ARHGEF11: variants seen among roughly 807,000 people sequenced by gnomAD.
The protein encoded by ARHGEF11 is Rho guanine exchange factor (GEF) 11.
In ARHGEF11, 55 loss-of-function variants were observed where a neutral mutation model predicts 193.7. The ratio of observed to expected loss-of-function variants is 0.28; its 90% CI spans 0.23 to 0.36. The LOEUF (loss-of-function observed/expected upper bound fraction) is 0.36. Among genes scored for constraint, ARHGEF11 ranks in the 10% least tolerant of loss-of-function variants. ARHGEF11 has a pLI of 1.00. For synonymous variants in ARHGEF11, 693 were observed against 768.0 expected (o/e 0.90, Z 1.62); for missense variants, 1,723 against 2,005.6 (o/e 0.86, Z 2.69).
At chr1:156,960,956 A>G (rs1312242395) in intron 14 of ARHGEF11, among the ~76,000 whole-genome samples, 1 of 152,186 alleles carries the variant, frequency 6.6e-6, no homozygotes, top group African/African-American at 2.4e-5. Flanking sequence ...ACCAACAGAG[A>G]ACAACTGGCA....
chr1:156,938,604 G>A, intron 37 of ARHGEF11, 91 bp from the exon 38 acceptor site: 1 of 1,240,738 alleles, frequency 8.1e-7, no homozygotes, highest in Non-Finnish European at 1.2e-6. Flanking sequence ...AGGGCAGGAG[G>A]TGGGGACAGG....
chr1:156,943,977 C>T lies in ARHGEF11; in HGVS notation c.3193G>A (p.Val1065Met), dbSNP rs1657609108. 5 of 1,614,120 alleles carry T rather than the reference C, an allele frequency of 3.1e-6. No homozygotes were observed. Among genetic ancestry groups the T allele is most frequent in the African/African-American group, 1.3e-5 (1 of 75,048 alleles). Reference protein sequence around the residue: ...SSDSKQTFSPVLKLNAVLIRS... With the variant: ...SSDSKQTFSPMLKLNAVLIRS... ...ATGAGCACAGCATTGAGCTTGAGCACGGGGCTGAAGGTCTGCTTGCTGTCT... is the reference window on the plus strand; with the variant it reads ...ATGAGCACAGCATTGAGCTTGAGCATGGGGCTGAAGGTCTGCTTGCTGTCT... The change falls in exon 32 of 41, where the codon GTG (valine) becomes ATG (methionine). Residue 1065 changes from valine (V) to methionine (M), a missense_variant. This residue lies in a region of ARHGEF11 where 23 missense variants were observed against 58.7 expected (regional missense o/e 0.39). Transcript: ENST00000368194.
intron 13 of ARHGEF11, among the ~76,000 whole-genome samples, chr1:156,962,866 G>A (rs919766250): frequency 3.1e-4 from 37 of 120,774 alleles, no homozygotes; most frequent in Admixed American, 5.2e-4. Context: ...GCGACAGTGC[G>A]AGACTCCGTC....
At chr1:156,970,448 C>G (rs1046144085) in intron 8 of ARHGEF11, among the ~76,000 whole-genome samples, 2 of 152,236 alleles carry the variant, frequency 1.3e-5, no homozygotes, top group Non-Finnish European at 2.9e-5. Context: ...CTGAGACTGA[C>G]TGAGCTAGTG....
At chr1:156,938,344 G>A in intron 38 of ARHGEF11, 74 bp downstream of exon 38, 1 of 1,383,848 alleles carries the variant, frequency 7.2e-7, no homozygotes, top group Non-Finnish European at 1.0e-6. Flanking sequence ...CCATGGGCAG[G>A]GGTCCGACTC....
chr1:156,942,972 C>T (rs1161870137), intron 32 of ARHGEF11, among the ~76,000 whole-genome samples, 192 bp from the exon 33 acceptor site: 1 of 152,140 alleles, frequency 6.6e-6, no homozygotes, highest in Non-Finnish European at 1.5e-5. Context: ...AATTCCAGGA[C>T]CCCTAATGTC....
chr1:156,958,607 A>G, intron 17 of ARHGEF11, 135 bp downstream of exon 17: 2 of 1,275,146 alleles, frequency 1.6e-6, no homozygotes, highest in Non-Finnish European at 2.2e-6. Context: ...GCAGGAGTGC[A>G]GGACTCCCCA....
At chr1:156,941,261 C>T in intron 35 of ARHGEF11, 111 bp downstream of exon 35, 2 of 987,226 alleles carry the variant, frequency 2.0e-6, no homozygotes, top group Non-Finnish European at 3.2e-6. Context: ...TTATCAAAAC[C>T]TCACACCCCG....
At chr1:156,986,889 T>C (rs74116949) in intron 1 of ARHGEF11, among the ~76,000 whole-genome samples, 2,292 of 152,314 alleles carry the variant, frequency 0.015, 61 homozygotes, top group African/African-American at 0.052. Context: ...TTGGGTACCA[T>C]GGGAGGACAG....
chr1:157,008,302 G>C (rs1292774941), intron 1 of ARHGEF11, among the ~76,000 whole-genome samples: 1 of 151,960 alleles, frequency 6.6e-6, no homozygotes, highest in Non-Finnish European at 1.5e-5. Flanking sequence ...TTTGGAGATG[G>C]GGCCTTTGGA....
chr1:156,961,839 G>A, intron 13 of ARHGEF11, 64 bp from the exon 14 acceptor site: 2 of 1,455,692 alleles, frequency 1.4e-6, no homozygotes, highest in Non-Finnish European at 1.9e-6. Context: ...TGCCCCCTAG[G>A]GGACGTTTGG....
At chr1:156,963,802 G>C (rs1379676200) in intron 11 of ARHGEF11, 2 of 1,405,130 alleles carry the variant, frequency 1.4e-6, no homozygotes, top group African/African-American at 2.9e-5. Flanking sequence ...GGTGGGGCAG[G>C]GCAGATTCAG....
intron 7 of ARHGEF11, among the ~76,000 whole-genome samples, chr1:156,972,999 T>C (rs923888639): frequency 1.3e-5 from 2 of 152,220 alleles, no homozygotes; most frequent in Non-Finnish European, 2.9e-5. Flanking sequence ...CTGATGATTC[T>C]TCAAGCCACT....
chr1:156,947,619 G>C, intron 25 of ARHGEF11, 150 bp downstream of exon 25: 1 of 1,323,160 alleles, frequency 7.6e-7, no homozygotes, highest in South Asian at 1.5e-5. Context: ...AGAACTGAGG[G>C]GAACCTTATA....
intron 20 of ARHGEF11, among the ~76,000 whole-genome samples, chr1:156,955,491 G>T (rs1204960089): frequency 6.6e-6 from 1 of 152,180 alleles, no homozygotes; most frequent in Non-Finnish European, 1.5e-5. Flanking sequence ...CTAAGACCCA[G>T]GGACCGGCAC....
intron 26 of ARHGEF11, 54 bp from the exon 27 acceptor site, chr1:156,947,069 A>C: frequency 6.2e-7 from 1 of 1,602,312 alleles, no homozygotes; most frequent in Non-Finnish European, 8.6e-7. Context: ...CAACTGCCAG[A>C]ACCTTTCTGA....
At chr1:157,022,303 T>C (rs1366435138) in intron 1 of ARHGEF11, among the ~76,000 whole-genome samples, 2 of 151,970 alleles carry the variant, frequency 1.3e-5, no homozygotes, top group Non-Finnish European at 2.9e-5. Context: ...ACAAAACCTA[T>C]TACAATAAAA....
chr1:157,044,176 T>G (rs1054497066), intron 1 of ARHGEF11, 123 bp downstream of exon 1: 20 of 882,156 alleles, frequency 2.3e-5, no homozygotes, highest in Non-Finnish European at 3.6e-5. Context: ...CTAATGCTCC[T>G]AGCCCACCAA....
At position 156,979,280 on chromosome 1, in the gene ARHGEF11, C is replaced by T. The variant is rs113635960; in HGVS notation, c.280G>A (p.Gly94Ser). 6.2e-6 allele frequency: 10 copies of T among 1,613,532 alleles called. No homozygotes were observed. Among genetic ancestry groups the T allele is most frequent in the African/African-American group, 5.3e-5 (4 of 74,862 alleles). ...TGTGAGCTATTGGTCACCATGGTGC[C>T]GTTGACCTGTTGGAGGGACAAACAG... ...KEGDRIIKVN[G>S]TMVTNSSHLE... Residue 94 changes from glycine (G) to serine (S), a missense_variant, in exon 5 of 41, where the codon GGC becomes AGC. Transcript: ENST00000368194.
Sources: gnomAD v4.1 joint callset for allele counts (sites outside exome capture counted in the v4.1 genomes callset) on GRCh38, gnomAD v4.1.1 for gene constraint, gnomAD v4.1.1 regional missense constraint, MANE v1.5 for transcripts, NCBI Gene and HGNC (gene_info 2026-07-23, HGNC 2026-07-21) for gene names.